The following SS18L1 variants were observed in gnomAD, a reference collection of about 807,000 sequenced individuals.
SS18L1 encodes the protein SS18L1 subunit of BAF chromatin remodeling complex.
In SS18L1, 32 loss-of-function variants were observed where a neutral mutation model predicts 70.3. The observed-to-expected ratio is 0.46, with a 90% CI of 0.34 to 0.61. SS18L1 has a LOEUF of 0.61. Ranked by LOEUF, SS18L1 falls within the 20% of genes least tolerant of loss-of-function variation. SS18L1 has a pLI of 0.01. For synonymous variants in SS18L1, 237 were observed against 229.7 expected (o/e 1.03, Z -0.29); for missense variants, 430 against 542.1 (o/e 0.79, Z 2.05).
intron 1 of SS18L1, among the ~76,000 whole-genome samples, chr20:62,155,012 A>C (rs2057197430): frequency 6.6e-6 from 1 of 152,230 alleles, no homozygotes; most frequent in East Asian, 1.9e-4. Context: ...TGTTGTTTCT[A>C]ACTGGCATCA....
At chr20:62,177,146 C>T (rs564754946) in intron 10 of SS18L1, among the ~76,000 whole-genome samples, 5 of 152,334 alleles carry the variant, frequency 3.3e-5, no homozygotes, top group Non-Finnish European at 7.3e-5. Context: ...CTGAGGCGGC[C>T]AGGCGCTGTG....
chr20:62,146,604 C>CTTTTTTTTTTTTTTTTT lies in SS18L1; in HGVS notation c.69+2715_69+2716insTTTTTTTTTTTTTTTTT, dbSNP rs1339898731. Among the ~76,000 whole-genome samples, 74 of 34,114 alleles carry CTTTTTTTTTTTTTTTTT rather than the reference C, an allele frequency of 2.2e-3. 1 individual carries two copies. Among genetic ancestry groups the CTTTTTTTTTTTTTTTTT allele is most frequent in the African/African-American group, 6.4e-3 (54 of 8,384 alleles). The allele number at this position is 34,114 out of a possible 152,430, so 22.4% of individuals were successfully genotyped here. A position where few individuals can be genotyped will look rare whatever the true frequency, so the allele number is the denominator to read the frequency against. ...GCATCCAGCGTGTCTCTGCTTTGAT[C>CTTTTTTTTTTTTTTTTT]ATTTTTTTTTTTTTTTTTTTTTGAG... On this transcript the variant is annotated intron_variant, in intron 1 of 10. Coordinates refer to ENST00000331758, the MANE Select transcript of SS18L1 (RefSeq NM_198935.3).
At chr20:62,144,841 C>T (rs2056995239) in intron 1 of SS18L1, among the ~76,000 whole-genome samples, 1 of 152,038 alleles carries the variant, frequency 6.6e-6, no homozygotes, top group Non-Finnish European at 1.5e-5. Flanking sequence ...GGTTTTTTTT[C>T]CTAAACTCTG....
intron 1 of SS18L1, 114 bp downstream of exon 1, chr20:62,144,003 G>C (rs932103370): frequency 1.5e-6 from 1 of 660,166 alleles, no homozygotes; most frequent in African/African-American, 2.0e-5. Context: ...GGGCGCAGCC[G>C]GGCGGCCGCG....
chr20:62,173,062 A>C (rs1202702944), intron 9 of SS18L1, among the ~76,000 whole-genome samples: 2 of 152,268 alleles, frequency 1.3e-5, no homozygotes, highest in African/African-American at 4.8e-5. Context: ...GAAAAGTTGG[A>C]AACATCCATG....
intron 10 of SS18L1, among the ~76,000 whole-genome samples, chr20:62,175,980 G>C (rs2057614063): frequency 6.6e-6 from 1 of 152,246 alleles, no homozygotes; most frequent in Non-Finnish European, 1.5e-5. Context: ...CTGGGCGCTG[G>C]TCAGCGGGGA....
chr20:62,158,833 C>T lies in SS18L1; in HGVS notation c.146+85C>T. ...GGCCAGATACGTCCCAAGAGTCCCCCAGCACAGAGATCAGATAAGTCCCAG... is the reference window on the plus strand; with the variant it reads ...GGCCAGATACGTCCCAAGAGTCCCCTAGCACAGAGATCAGATAAGTCCCAG... On this transcript the variant is annotated intron_variant, in intron 2 of 10. Coordinates refer to ENST00000331758, the MANE Select transcript of SS18L1 (RefSeq NM_198935.3). This position sits in a 1 kb window ranked among gnomAD's most constrained non-coding sequence, Gnocchi z 4.5. 1 of 1,611,444 alleles carries T rather than the reference C, an allele frequency of 6.2e-7. No individual in the cohort carries two copies. Among genetic ancestry groups the T allele is most frequent in the Non-Finnish European group, 8.5e-7 (1 of 1,179,216 alleles).
chr20:62,165,503 A>G lies in SS18L1; in HGVS notation c.905A>G (p.Tyr302Cys). Reference protein sequence around the residue: ...DRSFEESTQHYYEGGNSQYSQ... With the variant: ...DRSFEESTQHCYEGGNSQYSQ... ...TCCTTCGAGGAGTCCACGCAGCACTACTATGAGGGGGGTAAGGAGCACGGC... is the reference window on the plus strand; with the variant it reads ...TCCTTCGAGGAGTCCACGCAGCACTGCTATGAGGGGGGTAAGGAGCACGGC... The change falls in exon 8 of 11, where the codon TAC becomes TGC. Residue 302 changes from tyrosine to cysteine, a missense_variant. Physicochemically the swap from Tyr to Cys is radical, Grantham distance 194 (BLOSUM62 -2). Coordinates refer to ENST00000331758, the MANE Select transcript of SS18L1 (RefSeq NM_198935.3). The G allele has an allele frequency of 6.2e-7, 1 of 1,612,022 alleles. No individual in the cohort carries two copies.
At position 62,163,572 on chromosome 20, in the gene SS18L1, G is replaced by A. The variant is rs761320024; in HGVS notation, c.671G>A (p.Ser224Asn). Residue 224 changes from serine to asparagine, a missense_variant, in exon 6 of 11, where the codon AGC (serine) becomes AAC (asparagine). Coordinates refer to ENST00000331758, the MANE Select transcript of SS18L1 (RefSeq NM_198935.3). Reference protein sequence around the residue: ...IAMMGQGSQGSSMMGQRPMAP... With the variant: ...IAMMGQGSQGNSMMGQRPMAP... ...ATGATGGGGCAGGGCAGCCAGGGGA[G>A]CAGCATGATGGGGCAGCGGCCCATG... 6.2e-7 allele frequency: 1 copy of A among 1,609,522 alleles called. No homozygotes were observed. The highest frequency in any genetic ancestry group is 8.5e-7 in the Non-Finnish European group (1 of 1,179,470).
intron 6 of SS18L1, among the ~76,000 whole-genome samples, 199 bp from the exon 7 acceptor site, chr20:62,163,946 G>C (rs529152927): frequency 6.6e-6 from 1 of 152,278 alleles, no homozygotes; most frequent in African/African-American, 2.4e-5. Flanking sequence ...GAGGCCAGGT[G>C]CTCAAGACCA....
In SS18L1 at chr20:62,174,827, C is replaced by T; in HGVS notation, c.1164+183C>T. 1.4e-6 allele frequency: 2 copies of T among 1,478,906 alleles called. No homozygotes were observed. The highest frequency in any genetic ancestry group is 1.4e-5 in the African/African-American group (1 of 71,726). 91.6% of individuals were successfully genotyped at this position (1,478,906 alleles called of 1,614,324 possible). ...GAATTGCCTCTGTGTATACGCTCAC[C>T]TCAGTCATCCAGCTGGCTTTTCATA... On this transcript the variant is annotated intron_variant, in intron 10 of 10. Transcript: ENST00000331758. The surrounding 1 kb of genome is among the most constrained non-coding windows in gnomAD (Gnocchi z 4.1).
Position 62,164,258 on chromosome 20 carries a change from C to A in SS18L1, c.823+12C>A. On this transcript the variant is annotated intron_variant, in intron 7 of 10. Coordinates refer to ENST00000331758, the MANE Select transcript of SS18L1 (RefSeq NM_198935.3). Reference sequence around the variant, plus strand: ...GTACTACCCCGACGGTGAGCACTGGCGGCGGCCTGACCCCGCCCAGGAACG... The same window carrying A: ...GTACTACCCCGACGGTGAGCACTGGAGGCGGCCTGACCCCGCCCAGGAACG... 6.5e-7 allele frequency: 1 copy of A among 1,543,336 alleles called. No homozygotes were observed. Among genetic ancestry groups the A allele is most frequent in the Middle Eastern group, 2.1e-4 (1 of 4,798 alleles).
rs578256706 is a variant in SS18L1, at chr20:62,174,865, C to T, written c.1164+221C>T. The T allele has an allele frequency of 4.6e-5, 65 of 1,427,910 alleles. No homozygotes were observed. In the East Asian group the frequency reaches 1.4e-3, roughly 31 times the overall value. 88.5% of individuals were successfully genotyped at this position (1,427,910 alleles called of 1,614,324 possible). The stretch of plus-strand genomic sequence containing the variant: ...CTGGCTTTTCATACCCTAAGCTCAC[C>T]GTTAGATCTGCACGCCTGGTTCTCA... On this transcript the variant is annotated intron_variant, in intron 10 of 10. Transcript: ENST00000331758. The surrounding 1 kb of genome is among the most constrained non-coding windows in gnomAD (Gnocchi z 4.1).
rs536026409 is a variant in SS18L1, at chr20:62,174,760, T to C, written c.1164+116T>C. The C allele has an allele frequency of 6.3e-7, 1 of 1,598,304 alleles. No individual in the cohort carries two copies. The highest frequency in any genetic ancestry group is 1.1e-5 in the South Asian group (1 of 89,368). Reference sequence around the variant, plus strand: ...GCTGGAACTAACTGGCTTCCAGGGTTCCTTCCAGAACGTTAAGTCTCTGAG... The same window carrying C: ...GCTGGAACTAACTGGCTTCCAGGGTCCCTTCCAGAACGTTAAGTCTCTGAG... On this transcript the variant is annotated intron_variant, in intron 10 of 10. Coordinates refer to ENST00000331758, the MANE Select transcript of SS18L1 (RefSeq NM_198935.3). The surrounding 1 kb of genome is among the most constrained non-coding windows in gnomAD (Gnocchi z 4.1).
At chr20:62,171,499 T>G (rs564249492) in intron 8 of SS18L1, among the ~76,000 whole-genome samples, 1 of 152,316 alleles carries the variant, frequency 6.6e-6, no homozygotes, top group East Asian at 1.9e-4. Context: ...TTTCCGAAGC[T>G]CTCGCCTTAG....
rs779509659 is a variant in SS18L1, at chr20:62,162,759, C to T, written c.384C>T (p.Ser128=). Residue 128 remains serine (S), a synonymous_variant, in exon 5 of 11, where the codon AGC becomes AGT. Transcript: ENST00000331758. ...CCCTGCTCCCCATGCCAGGGCCGAGCCACGTGTCCATGCAGCAGACGGCGC... is the reference window on the plus strand; with the variant it reads ...CCCTGCTCCCCATGCCAGGGCCGAGTCACGTGTCCATGCAGCAGACGGCGC... ...LLQGQIGNGP[S]HVSMQQTAPN... The T allele has an allele frequency of 1.9e-6, 3 of 1,607,966 alleles. No individual in the cohort carries two copies. Among genetic ancestry groups the T allele is most frequent in the Non-Finnish European group, 2.6e-6 (3 of 1,176,454 alleles).
chr20:62,164,170 GGAGGAGTACTATGGC>G lies in SS18L1; in HGVS notation c.751_765del (p.Glu251_Glu255del). 1 of 1,550,194 alleles carries G rather than the reference GGAGGAGTACTATGGC, an allele frequency of 6.5e-7. No homozygotes were observed. The highest frequency in any genetic ancestry group is 2.4e-5 in the East Asian group (1 of 40,922). ...GCTCTTCCCAGCAGTACCTGGGCCAGGAGGAGTACTATGGCGAGCAGTACAGCCACAGCCAGGGCG... is the reference window on the plus strand; with the variant it reads ...GCTCTTCCCAGCAGTACCTGGGCCAGGAGCAGTACAGCCACAGCCAGGGCG... On this transcript the variant is annotated inframe_deletion, in exon 7 of 11. Coordinates refer to ENST00000331758, the MANE Select transcript of SS18L1 (RefSeq NM_198935.3).
intron 1 of SS18L1, among the ~76,000 whole-genome samples, chr20:62,157,803 C>T (rs1393891764): frequency 6.6e-6 from 1 of 152,180 alleles, no homozygotes; most frequent in Non-Finnish European, 1.5e-5. Context: ...GTGAGGGCTG[C>T]GGGGTGCCAG....
rs750760123 is a variant in SS18L1, at chr20:62,174,579, G to A, written c.1099G>A (p.Gly367Arg). ...CCAGCAAGGCCAAGGCCAGCAGTAC[G>A]GAAGCTACCGAGCACCGCAGACAGC... ...GYQQGQGQQYGSYRAPQTAPS... is the reference protein window; with the variant it reads ...GYQQGQGQQYRSYRAPQTAPS... The change falls in exon 10 of 11, where the codon GGA becomes AGA. Residue 367 changes from glycine (G) to arginine (R), a missense_variant. Gly to Arg is a moderately radical substitution (Grantham distance 125, BLOSUM62 -2). Transcript: ENST00000331758. This position sits in a 1 kb window ranked among gnomAD's most constrained non-coding sequence, Gnocchi z 4.1. The A allele has an allele frequency of 2.5e-6, 4 of 1,613,748 alleles. No individual in the cohort carries two copies. Among genetic ancestry groups the A allele is most frequent in the African/African-American group, 2.7e-5 (2 of 74,928 alleles).
Sources: allele counts gnomAD v4.1 joint callset (sites outside exome capture counted in the v4.1 genomes callset), GRCh38; gene constraint gnomAD v4.1.1; non-coding constraint Gnocchi (gnomAD v3.1); transcripts MANE v1.5; gene names NCBI Gene and HGNC (gene_info 2026-07-23, HGNC 2026-07-21).